EIF4E3: variants seen among roughly 807,000 people sequenced by gnomAD.
The protein encoded by EIF4E3 is eukaryotic translation initiation factor 4E family member 3.
EIF4E3 carries 26 observed loss-of-function variants against 31.7 expected under a neutral mutation model. The ratio of observed to expected loss-of-function variants is 0.82; its 90% CI spans 0.60 to 1.14. The LOEUF is 1.14. Ranked by LOEUF, EIF4E3 falls within the 50% of genes most tolerant of loss-of-function variation. The pLI is 0.00. For missense variants in EIF4E3, 304 were observed against 270.9 expected (o/e 1.12, Z -0.86); for synonymous variants, 128 against 107.7 (o/e 1.19, Z -1.17).
chr3:71,727,616 A>C (rs2049655192), upstream of EIF4E3, among the ~76,000 whole-genome samples: 1 of 152,238 alleles, frequency 6.6e-6, no homozygotes, highest in Admixed American at 6.5e-5. Flanking sequence ...TGTTGGCTGC[A>C]TTTAAAAATT....
the EIF4E3 span, among the ~76,000 whole-genome samples, chr3:71,663,812 C>T: frequency 2.0e-5 from 3 of 152,226 alleles, no homozygotes; most frequent in African/African-American, 4.8e-5. Context: ...GAGTGAATAT[C>T]ATGGTGTCCG....
At chr3:71,752,274 C>T (rs1194305542) in intron 1 of EIF4E3, among the ~76,000 whole-genome samples, 1 of 152,168 alleles carries the variant, frequency 6.6e-6, no homozygotes, top group Non-Finnish European at 1.5e-5. Flanking sequence ...CCAGTGATTT[C>T]TGCACATAGT....
In EIF4E3 at chr3:71,681,262, A is replaced by T. The variant is rs1331644145; in HGVS notation, c.*3420T>A. ...CAAAATGCAGTAGGATCTTAAAAAA[A>T]TTCTACAAACATAGCTGGATAAATT... On this transcript the variant is annotated 3_prime_UTR_variant, in exon 7 of 7. Coordinates refer to ENST00000425534, the MANE Select transcript of EIF4E3 (RefSeq NM_001134651.2). The T allele has an allele frequency of 6.6e-6, 1 of 152,238 alleles. No homozygotes were observed. The highest frequency in any genetic ancestry group is 6.5e-5 in the Admixed American group (1 of 15,286). The allele number at this position is 152,238 out of a possible 1,614,324, so 9.4% of individuals were successfully genotyped here.
intron 2 of EIF4E3, 134 bp from the exon 3 acceptor site, chr3:71,699,842 G>A: frequency 1.5e-6 from 1 of 684,448 alleles, no homozygotes; most frequent in South Asian, 1.9e-5. Flanking sequence ...ATTTTTCTCA[G>A]TATCCCTTCT....
upstream of EIF4E3, among the ~76,000 whole-genome samples, chr3:71,726,309 G>T (rs746198422): frequency 6.6e-6 from 1 of 152,320 alleles, no homozygotes; most frequent in African/African-American, 2.4e-5. Flanking sequence ...AACACAGAGC[G>T]CTCTGCTTCC....
intron 2 of EIF4E3, among the ~76,000 whole-genome samples, chr3:71,702,934 C>T (rs1467794871): frequency 3.3e-5 from 5 of 152,164 alleles, no homozygotes; most frequent in Non-Finnish European, 7.3e-5. Flanking sequence ...AGATTATACT[C>T]TCTGTAACAC....
intron 5 of EIF4E3, 24 bp downstream of exon 5, chr3:71,693,851 G>A (rs756613892): frequency 9.2e-6 from 14 of 1,523,090 alleles, no homozygotes; most frequent in Admixed American, 4.3e-5. Context: ...AGGCAGGGCC[G>A]GCCGGAGCCG....
At chr3:71,672,744 T>C (rs1251865080), downstream of EIF4E3, among the ~76,000 whole-genome samples, 1 of 152,104 alleles carries the variant, frequency 6.6e-6, no homozygotes, top group Non-Finnish European at 1.5e-5. Flanking sequence ...AACAAGTTCT[T>C]CTCCGCAGAG....
chr3:71,744,422 G>A (rs2049850849), intron 1 of EIF4E3, among the ~76,000 whole-genome samples: 1 of 152,122 alleles, frequency 6.6e-6, no homozygotes, highest in Non-Finnish European at 1.5e-5. Flanking sequence ...GGTAAAGTAA[G>A]AGCATTTCCA....
At chr3:71,734,635 G>GT (rs1332036345) in intron 1 of EIF4E3, among the ~76,000 whole-genome samples, 3 of 152,046 alleles carry the variant, frequency 2.0e-5, no homozygotes, top group African/African-American at 7.2e-5. Flanking sequence ...AAATTCAGCA[G>GT]TAAGAGGGCA....
downstream of EIF4E3, among the ~76,000 whole-genome samples, chr3:71,671,013 G>A (rs148379811): frequency 6.5e-3 from 992 of 152,202 alleles, 6 homozygotes; most frequent in African/African-American, 0.02. Context: ...ATGGGATCTC[G>A]GATGAGCTGG....
chr3:71,660,457 G>C, the EIF4E3 span, among the ~76,000 whole-genome samples: 1 of 152,188 alleles, frequency 6.6e-6, no homozygotes, highest in Non-Finnish European at 1.5e-5. Flanking sequence ...AAGGCAAGTC[G>C]ATTGTAAAAG....
At chr3:71,727,775 G>C (rs1027324916), upstream of EIF4E3, among the ~76,000 whole-genome samples, 35 of 152,170 alleles carry the variant, frequency 2.3e-4, no homozygotes, top group African/African-American at 7.7e-4. Context: ...AGGAAGTTTT[G>C]CTTTCTAATG....
At chr3:71,742,295 A>C (rs2049828773) in intron 1 of EIF4E3, among the ~76,000 whole-genome samples, 1 of 152,152 alleles carries the variant, frequency 6.6e-6, no homozygotes, top group African/African-American at 2.4e-5. Flanking sequence ...GAAATGACAC[A>C]GAAGATATCA....
At chr3:71,754,510 C>A, upstream of EIF4E3, 1 of 1,292,144 alleles carries the variant, frequency 7.7e-7, no homozygotes. The surrounding 1 kb of genome is among the most constrained non-coding windows in gnomAD (Gnocchi z 5.8). Context: ...GCGCTGGCCG[C>A]GGCCTTCCCG....
At chr3:71,730,191 G>A (rs1044547214), upstream of EIF4E3, among the ~76,000 whole-genome samples, 16 of 152,138 alleles carry the variant, frequency 1.1e-4, no homozygotes, top group African/African-American at 2.7e-4. Context: ...GGATACTCAC[G>A]GGTCAGGGGA....
intron 1 of EIF4E3, among the ~76,000 whole-genome samples, chr3:71,732,504 T>C (rs1025388242): frequency 6.6e-6 from 1 of 152,242 alleles, no homozygotes; most frequent in East Asian, 1.9e-4. Flanking sequence ...ATTCCACTGA[T>C]TGGAGGAGTA....
chr3:71,754,252 C>A, upstream of EIF4E3: 1 of 1,275,780 alleles, frequency 7.8e-7, no homozygotes, highest in Non-Finnish European at 1.0e-6. The surrounding 1 kb of genome is among the most constrained non-coding windows in gnomAD (Gnocchi z 5.8). Flanking sequence ...GGGCTGCGCG[C>A]GCTCGCCTGC....
upstream of EIF4E3, chr3:71,754,481 G>A: frequency 1.5e-6 from 2 of 1,307,156 alleles, no homozygotes; most frequent in Non-Finnish European, 1.9e-6. This position sits in a 1 kb window ranked among gnomAD's most constrained non-coding sequence, Gnocchi z 5.8. Flanking sequence ...CCATGCTGGT[G>A]TGCGCCGCCT....
Sources: allele counts gnomAD v4.1 joint callset (sites outside exome capture counted in the v4.1 genomes callset), GRCh38; gene constraint gnomAD v4.1.1; non-coding constraint Gnocchi (gnomAD v3.1); transcripts MANE v1.5; gene names NCBI Gene and HGNC (gene_info 2026-07-23, HGNC 2026-07-21).